Variants in ADAMTSL1 observed in about 807,000 individuals in gnomAD.
ADAMTSL1 encodes the protein ADAMTS-like protein 1.
ADAMTSL1 carries 126 observed loss-of-function variants against 201.8 expected under a neutral mutation model. The ratio of observed to expected loss-of-function variants is 0.62; its 90% CI spans 0.54 to 0.72. The LOEUF (loss-of-function observed/expected upper bound fraction) is 0.72, where lower values mean the gene tolerates loss of function less well. Ranked by LOEUF, ADAMTSL1 falls within the 30% of genes least tolerant of loss-of-function variation. The pLI, the probability that ADAMTSL1 is intolerant of heterozygous loss-of-function variation, is 0.00. For synonymous variants in ADAMTSL1, 1,121 were observed against 903.4 expected (o/e 1.24, Z -4.32); for missense variants, 2,679 against 2,277.8 (o/e 1.18, Z -3.59).
Position 18,894,896 on chromosome 9 carries a change from G to C in ADAMTSL1, c.4851+2300G>C, listed in dbSNP as rs572382680. 3.4e-4 allele frequency among the ~76,000 whole-genome samples: 51 copies of C among 152,168 alleles called. 1 individual carries two copies. Among genetic ancestry groups the C allele is most frequent in the African/African-American group, 9.2e-4 (38 of 41,524 alleles). ...CACTAATTAAACTGGGGGAAAAAGAGGAAAAAGATTAACCTAATGAGTAGG... is the reference window on the plus strand; with the variant it reads ...CACTAATTAAACTGGGGGAAAAAGACGAAAAAGATTAACCTAATGAGTAGG... On this transcript the variant is annotated intron_variant, in intron 26 of 28. Transcript: ENST00000380548.
chr9:18,406,207 C>A (rs566709083), intron 2 of ADAMTSL1, among the ~76,000 whole-genome samples: 1 of 152,010 alleles, frequency 6.6e-6, no homozygotes, highest in South Asian at 2.1e-4. Flanking sequence ...AATCACAGGG[C>A]CTTTGGTGAA....
chr9:18,263,719 G>T (rs1454934879), intron 2 of ADAMTSL1, among the ~76,000 whole-genome samples: 1 of 152,142 alleles, frequency 6.6e-6, no homozygotes, highest in African/African-American at 2.4e-5. Context: ...CATAAGGGTG[G>T]GGTCCTGACA....
chr9:18,574,974 GA>G (rs1249832489), intron 4 of ADAMTSL1, among the ~76,000 whole-genome samples: 1 of 152,054 alleles, frequency 6.6e-6, no homozygotes, highest in Non-Finnish European at 1.5e-5. Context: ...CTAGTTTTTG[GA>G]GCAAGCAGTT....
chr9:18,732,523 A>C (rs530887942), intron 15 of ADAMTSL1, among the ~76,000 whole-genome samples: 107 of 152,198 alleles, frequency 7.0e-4, no homozygotes, highest in Non-Finnish European at 1.3e-3. Flanking sequence ...GTGTGACATG[A>C]CTGAAGGGAG....
intron 9 of ADAMTSL1, among the ~76,000 whole-genome samples, chr9:18,667,538 T>G (rs1829525762): frequency 6.6e-6 from 1 of 152,148 alleles, no homozygotes; most frequent in South Asian, 2.1e-4. Context: ...CTCAGATTTT[T>G]CATCCTACGA....
At position 18,826,354 on chromosome 9, in the gene ADAMTSL1, A is replaced by T; in HGVS notation, c.4005A>T (p.Glu1335Asp). 1.2e-6 allele frequency: 2 copies of T among 1,613,578 alleles called. No individual in the cohort carries two copies. Among genetic ancestry groups the T allele is most frequent in the Non-Finnish European group, 1.7e-6 (2 of 1,179,804 alleles). Residue 1335 changes from glutamate to aspartate, a missense_variant, in exon 22 of 29, where the codon GAA (glutamate) becomes GAT (aspartate). Transcript: ENST00000380548. ...TGGGCTCCCCGCACCATCTGCACGA[A>T]GGCTCCTTGCTGCTCACAAACGTGT... Reference protein sequence around the residue: ...SKLGSPHHLHEGSLLLTNVSS... With the variant: ...SKLGSPHHLHDGSLLLTNVSS...
intron 19 of ADAMTSL1, among the ~76,000 whole-genome samples, chr9:18,779,079 A>C (rs1160306335): frequency 2.0e-5 from 3 of 152,198 alleles, no homozygotes; most frequent in African/African-American, 7.2e-5. Flanking sequence ...AAGTAACTGC[A>C]TTTTTTATTC....
At chr9:18,704,600 C>T (rs557394178) in intron 13 of ADAMTSL1, among the ~76,000 whole-genome samples, 5 of 152,280 alleles carry the variant, frequency 3.3e-5, no homozygotes, top group Admixed American at 1.3e-4. Flanking sequence ...AAATTAAATG[C>T]TTGTGTATCT....
chr9:18,188,130 G>T (rs925997510), intron 2 of ADAMTSL1, among the ~76,000 whole-genome samples: 1 of 152,036 alleles, frequency 6.6e-6, no homozygotes, highest in African/African-American at 2.4e-5. Context: ...AAAGCTGAGA[G>T]GCTGTTTAAC....
At chr9:18,642,364 T>C (rs1426988003) in intron 7 of ADAMTSL1, among the ~76,000 whole-genome samples, 1 of 152,074 alleles carries the variant, frequency 6.6e-6, no homozygotes, top group Non-Finnish European at 1.5e-5. Context: ...CAAATATGTA[T>C]ACTTTGGGGA....
chr9:18,102,100 T>C (rs1000295444), intron 1 of ADAMTSL1, among the ~76,000 whole-genome samples: 22 of 152,226 alleles, frequency 1.4e-4, no homozygotes, highest in African/African-American at 4.6e-4. Flanking sequence ...AAAAGACATG[T>C]CTGTTTTTGA....
At chr9:18,861,464 CAG>C (rs1024524247) in intron 23 of ADAMTSL1, among the ~76,000 whole-genome samples, 1 of 152,168 alleles carries the variant, frequency 6.6e-6, no homozygotes, top group Admixed American at 6.5e-5. Flanking sequence ...CTTAAGCCAT[CAG>C]AGAGTCCACT....
chr9:18,270,278 A>T (rs1587436971), intron 2 of ADAMTSL1, among the ~76,000 whole-genome samples: 1 of 152,118 alleles, frequency 6.6e-6, no homozygotes, highest in East Asian at 1.9e-4. Flanking sequence ...AATCTCATTC[A>T]TGAGGACTCA....
At chr9:17,961,055 A>G (rs2131398194) in intron 1 of ADAMTSL1, among the ~76,000 whole-genome samples, 1 of 152,280 alleles carries the variant, frequency 6.6e-6, no homozygotes, top group Non-Finnish European at 1.5e-5. Flanking sequence ...TGTGCCATTT[A>G]TCTACCTTGG....
At chr9:18,065,037 G>A (rs1822633482) in intron 1 of ADAMTSL1, among the ~76,000 whole-genome samples, 1 of 134,974 alleles carries the variant, frequency 7.4e-6, no homozygotes. Context: ...GAAAAGATAC[G>A]GATTTTTATT....
chr9:18,356,542 A>G (rs1398169418), intron 2 of ADAMTSL1, among the ~76,000 whole-genome samples: 1 of 150,892 alleles, frequency 6.6e-6, no homozygotes, highest in Non-Finnish European at 1.5e-5. Context: ...AAAAAAAAAA[A>G]AAAAAAAAAG....
chr9:18,546,354 C>T (rs1195418444), intron 3 of ADAMTSL1, among the ~76,000 whole-genome samples: 1 of 152,074 alleles, frequency 6.6e-6, no homozygotes, highest in Non-Finnish European at 1.5e-5. Flanking sequence ...GCCTGTCCCC[C>T]AGGCTGGGGT....
chr9:18,373,712 C>G (rs1051837405), intron 2 of ADAMTSL1, among the ~76,000 whole-genome samples: 5 of 152,122 alleles, frequency 3.3e-5, no homozygotes, highest in Non-Finnish European at 5.9e-5. Flanking sequence ...TGCACATTCC[C>G]CAGGCTAATA....
intron 1 of ADAMTSL1, among the ~76,000 whole-genome samples, chr9:18,036,711 A>G (rs1485942913): frequency 6.6e-6 from 1 of 152,192 alleles, no homozygotes; most frequent in African/African-American, 2.4e-5. Context: ...AAAGACCTAC[A>G]TTGATATGGG....
Sources: allele counts gnomAD v4.1 joint callset (sites outside exome capture counted in the v4.1 genomes callset), GRCh38; gene constraint gnomAD v4.1.1; transcripts MANE v1.5; gene names NCBI Gene and HGNC (gene_info 2026-07-23, HGNC 2026-07-21).